Variants in FGF13 observed in about 807,000 individuals in gnomAD.
The protein encoded by FGF13 is fibroblast growth factor 13, also known as fibroblast growth factor homologous factor 2.
FGF13 carries 2 observed loss-of-function variants against 19.5 expected under a neutral mutation model. That is an observed-to-expected ratio of 0.10 (90% CI 0.04 to 0.32). The LOEUF is 0.32. Among genes scored for constraint, FGF13 ranks in the 10% least tolerant of loss-of-function variants. The probability of loss-of-function intolerance (pLI) is 1.00; values close to 1 mark genes in which losing one functional copy is unlikely to be tolerated. For missense variants in FGF13, 113 were observed against 192.7 expected (o/e 0.59, Z 2.45); for synonymous variants, 72 against 76.9 (o/e 0.94, Z 0.33).
chrX:138,795,130 A>T (rs776693218), intron 3 of FGF13, among the ~76,000 whole-genome samples: 3 of 111,920 alleles, frequency 2.7e-5, no homozygotes, highest in Non-Finnish European at 5.6e-5. Flanking sequence ...ACATAGGTTT[A>T]AGTTATTCAT....
At chrX:138,756,648 C>T (rs1418666371) in intron 3 of FGF13, among the ~76,000 whole-genome samples, 1 of 112,265 alleles carries the variant, frequency 8.9e-6, no homozygotes, top group East Asian at 2.8e-4. Flanking sequence ...TTGCTCTTAG[C>T]TAATTGCAAT....
chrX:138,638,841 A>G (rs1411680598), intron 3 of FGF13, among the ~76,000 whole-genome samples: 1 of 111,758 alleles, frequency 8.9e-6, no homozygotes, highest in African/African-American at 3.3e-5. Context: ...CGTGGCACCT[A>G]TAACATCAGG....
At chrX:138,718,994 G>A (rs2090129453) in intron 1 of FGF13, among the ~76,000 whole-genome samples, 1 of 112,710 alleles carries the variant, frequency 8.9e-6, no homozygotes, top group African/African-American at 3.2e-5. Context: ...GGTGAGAAAA[G>A]TGAAGCCTGG....
chrX:138,863,002 G>A (rs149328592), intron 2 of FGF13, among the ~76,000 whole-genome samples: 1,654 of 110,270 alleles, frequency 0.015, 15 homozygotes, highest in Middle Eastern at 0.032. Flanking sequence ...TCTGGCTCAC[G>A]TTAGCTTTCC....
chrX:138,941,355 T>C (rs1341863994), intron 1 of FGF13, among the ~76,000 whole-genome samples: 2 of 112,009 alleles, frequency 1.8e-5, no homozygotes, highest in African/African-American at 6.5e-5. Context: ...TAAACAACTT[T>C]AGCAAACTTT....
At chrX:138,937,545 CTGAA>C (rs751684984) in intron 1 of FGF13, among the ~76,000 whole-genome samples, 3 of 112,068 alleles carry the variant, frequency 2.7e-5, no homozygotes, top group African/African-American at 9.7e-5. Flanking sequence ...TTAGCATTTG[CTGAA>C]TGAATATTTG....
At chrX:138,695,852 A>ACATGTG (rs757413864) in intron 3 of FGF13, among the ~76,000 whole-genome samples, 59 of 112,487 alleles carry the variant, frequency 5.2e-4, no homozygotes, top group African/African-American at 1.9e-3. Flanking sequence ...GTAGTGTATA[A>ACATGTG]GAAAAATGGA....
In FGF13 at chrX:139,098,727, C is replaced by CA. The variant is rs200341341; in HGVS notation, c.-113+104688dup. On this transcript the variant is annotated intron_variant, in intron 1 of 2. Transcript: ENST00000421460. ...TGGGAACAATAGGCACTGGAGACTC[C>CA]AAAAGTAGGGGAGGAAGGGAGAGGG... Among the ~76,000 whole-genome samples, 886 of 110,839 alleles carry CA rather than the reference C, an allele frequency of 8.0e-3. 10 individuals carry two copies. Among genetic ancestry groups the CA allele is most frequent in the African/African-American group, 0.027 (826 of 30,441 alleles).
intron 1 of FGF13, among the ~76,000 whole-genome samples, chrX:138,875,834 A>AGTC (rs2091385820): frequency 8.9e-6 from 1 of 111,790 alleles, no homozygotes; most frequent in Non-Finnish European, 1.9e-5. Flanking sequence ...GACTAGAATT[A>AGTC]CATCATCAGC....
At chrX:138,819,557 G>C (rs2090984655) in intron 3 of FGF13, among the ~76,000 whole-genome samples, 1 of 111,171 alleles carries the variant, frequency 9.0e-6, no homozygotes, top group Non-Finnish European at 1.9e-5. Context: ...ATAAATGTAT[G>C]GCTCAAGTGT....
chrX:138,707,103 G>A (rs1000826315), intron 2 of FGF13, among the ~76,000 whole-genome samples: 1 of 111,537 alleles, frequency 9.0e-6, no homozygotes, highest in African/African-American at 3.3e-5. Context: ...AGGAACTGAA[G>A]AGTAAAACCT....
At chrX:139,040,511 C>A (rs1177299088) in intron 1 of FGF13, among the ~76,000 whole-genome samples, 1 of 110,584 alleles carries the variant, frequency 9.0e-6, no homozygotes, top group Non-Finnish European at 1.9e-5. Flanking sequence ...AGGAGAAGAT[C>A]AAGATTTGCC....
chrX:138,951,958 C>T (rs899596464), intron 1 of FGF13, among the ~76,000 whole-genome samples: 22 of 111,594 alleles, frequency 2.0e-4, no homozygotes, highest in African/African-American at 7.2e-4. Context: ...ACATTCCATG[C>T]TCATAGGTAG....
intron 3 of FGF13, among the ~76,000 whole-genome samples, chrX:138,843,023 T>G (rs934721505): frequency 8.9e-6 from 1 of 111,744 alleles, no homozygotes; most frequent in Non-Finnish European, 1.9e-5. Flanking sequence ...AGTATGAGAA[T>G]GTGTTGCTTG....
chrX:138,645,864 A>C (rs186747312), intron 3 of FGF13, among the ~76,000 whole-genome samples: 54 of 112,056 alleles, frequency 4.8e-4, no homozygotes, highest in African/African-American at 1.7e-3. Flanking sequence ...AGAATCTAAT[A>C]CTAGAATTAC....
At chrX:138,769,408 T>C (rs1219482213) in intron 3 of FGF13, among the ~76,000 whole-genome samples, 3 of 112,024 alleles carry the variant, frequency 2.7e-5, no homozygotes, top group Non-Finnish European at 5.6e-5. Context: ...GCTTCAGTAT[T>C]GTTATAAATG....
At chrX:138,684,070 A>C (rs1416104192) in intron 3 of FGF13, among the ~76,000 whole-genome samples, 2 of 111,798 alleles carry the variant, frequency 1.8e-5, no homozygotes, top group African/African-American at 6.5e-5. Context: ...TCAGTACTAA[A>C]GAGCACTCAT....
chrX:138,871,794 T>C (rs1411263776), intron 1 of FGF13, among the ~76,000 whole-genome samples: 2 of 111,392 alleles, frequency 1.8e-5, no homozygotes, highest in African/African-American at 3.3e-5. Flanking sequence ...GAGACCAGTA[T>C]GGCAGGAACT....
At chrX:138,730,152 T>G (rs978350224) in intron 1 of FGF13, among the ~76,000 whole-genome samples, 32 of 110,359 alleles carry the variant, frequency 2.9e-4, no homozygotes, top group Admixed American at 2.8e-3. Context: ...AGATCTTTAT[T>G]TTAAAAACAA....
Sources: allele counts gnomAD v4.1 joint callset (sites outside exome capture counted in the v4.1 genomes callset), GRCh38; gene constraint gnomAD v4.1.1; transcripts MANE v1.5; gene names NCBI Gene and HGNC (gene_info 2026-07-23, HGNC 2026-07-21).